UNC13A: variants seen among roughly 807,000 people sequenced by gnomAD.
UNC13A encodes the protein unc-13 homolog A.
A neutral mutation model predicts 219.7 loss-of-function variants in UNC13A; 61 were observed. The observed-to-expected ratio is 0.28, with a 90% confidence interval of 0.23 to 0.34. The LOEUF is 0.34. UNC13A is among the 10% of genes least tolerant of loss of function. The pLI, the probability that UNC13A is intolerant of heterozygous loss-of-function variation, is 1.00. For missense variants in UNC13A, 1,476 were observed against 2,270.3 expected (o/e 0.65, Z 7.11); for synonymous variants, 920 against 884.6 (o/e 1.04, Z -0.71).
chr19:17,606,897 G>A (rs2076537803), intron 43 of UNC13A, among the ~76,000 whole-genome samples: 2 of 147,754 alleles, frequency 1.4e-5, no homozygotes, highest in Non-Finnish European at 3.0e-5. Flanking sequence ...CCTCCCGCAT[G>A]CCCCTCACCT....
At position 17,606,135 on chromosome 19, in the gene UNC13A, G is replaced by A; in HGVS notation, c.5031C>T (p.Asn1677=). 2 of 1,592,554 alleles carry A rather than the reference G, an allele frequency of 1.3e-6. No homozygotes were observed. Among genetic ancestry groups the A allele is most frequent in the Non-Finnish European group, 1.7e-6 (2 of 1,171,266 alleles). ...TCACGAACTCCTTGGCCACCTCGTC[G>A]TTGCTGCGCTGCGAGAGGATTCGCA... ...TVLRILSQRS[N]DEVAKEFVKL... The change falls in exon 44 of 44, where the codon AAC becomes AAT. Residue 1677 remains asparagine (N), a synonymous_variant. Coordinates refer to ENST00000519716, the MANE Select transcript of UNC13A (RefSeq NM_001080421.3).
chr19:17,606,423 C>T (rs1344847429), intron 43 of UNC13A, 69 bp from the exon 44 acceptor site: 11 of 1,508,380 alleles, frequency 7.3e-6, no homozygotes, highest in African/African-American at 1.4e-5. Flanking sequence ...GGCCCCGTCC[C>T]CACCGCATTT....
intron 37 of UNC13A, among the ~76,000 whole-genome samples, chr19:17,621,115 T>C (rs1008027242): frequency 2.6e-5 from 4 of 152,168 alleles, no homozygotes. Context: ...TAACATATAC[T>C]GTAAGTTCAC....
intron 31 of UNC13A, 71 bp from the exon 32 acceptor site, chr19:17,628,011 G>C (rs2076801938): frequency 1.4e-6 from 2 of 1,446,326 alleles, no homozygotes; most frequent in African/African-American, 2.8e-5. Context: ...CCCACCGCCA[G>C]GGACCTTGGG....
Position 17,666,681 on chromosome 19 carries a change from G to A in UNC13A, c.492C>T (p.Asp164=), listed in dbSNP as rs768407687. The change falls in exon 7 of 44, where the codon GAC becomes GAT. Residue 164 remains aspartate, a synonymous_variant. Transcript: ENST00000519716. Reference sequence around the variant, plus strand: ...GGTTGCTGGGGACAGGCAGAGGCTTGTCTTGCTCATCTTGGAACGAATACT... The same window carrying A: ...GGTTGCTGGGGACAGGCAGAGGCTTATCTTGCTCATCTTGGAACGAATACT... ...QDEYSFQDEQ[D]KPLPVPSNQC... is the part of the protein sequence containing the mutation. The A allele has an allele frequency of 4.6e-6, 7 of 1,528,988 alleles. No homozygotes were observed. Among genetic ancestry groups the A allele is most frequent in the Non-Finnish European group, 6.2e-6 (7 of 1,136,586 alleles). The allele number at this position is 1,528,988 out of a possible 1,614,324, so 94.7% of individuals were successfully genotyped here.
At position 17,620,051 on chromosome 19, in the gene UNC13A, C is replaced by T. The variant is rs995716137; in HGVS notation, c.4272+642G>A. The stretch of plus-strand genomic sequence containing the variant: ...CGGGCAATGCTAAGGGAGACGGGGT[C>T]CCAGCCTGGAAGGCATGTGTCTAGC... On this transcript the variant is annotated intron_variant, in intron 38 of 43. Transcript: ENST00000519716. Among the ~76,000 whole-genome samples, 5 of 152,230 alleles carry T rather than the reference C, an allele frequency of 3.3e-5. No individual in the cohort carries two copies. In the East Asian group the frequency reaches 9.6e-4, roughly 29 times the overall value.
chr19:17,670,108 G>A (rs994462122), intron 4 of UNC13A, among the ~76,000 whole-genome samples: 4 of 151,742 alleles, frequency 2.6e-5, no homozygotes, highest in Non-Finnish European at 4.4e-5. Context: ...CACCACGCCT[G>A]GCTGATTTTT....
At chr19:17,663,384 G>C (rs1264935837) in intron 8 of UNC13A, 148 bp downstream of exon 8, 20 of 714,310 alleles carry the variant, frequency 2.8e-5, no homozygotes, top group Middle Eastern at 3.8e-4. Flanking sequence ...AGGAAAGCTT[G>C]AAAGGGGTCT....
chr19:17,632,784 A>G lies in UNC13A; in HGVS notation c.3426T>C (p.Pro1142=). Residue 1142 remains proline (P), a splice_region_variant and synonymous_variant, in exon 28 of 44, where the codon CCT becomes CCC. Coordinates refer to ENST00000519716, the MANE Select transcript of UNC13A (RefSeq NM_001080421.3). ...PAFKDRVPEY[P]AWFEPFVIQW... is the part of the protein sequence containing the mutation. ...TGGGCCTGGGGCAGGGGACTTACGC[A>G]GGGTACTCAGGCACGCGGTCCTTGA... The G allele has an allele frequency of 6.2e-7, 1 of 1,613,720 alleles. No individual in the cohort carries two copies. The highest frequency in any genetic ancestry group is 8.5e-7 in the Non-Finnish European group (1 of 1,179,872).
chr19:17,632,664 C>T (rs2076868910), intron 28 of UNC13A, 118 bp downstream of exon 28: 4 of 1,474,818 alleles, frequency 2.7e-6, no homozygotes, highest in Admixed American at 3.8e-5. Context: ...GATTCAAGCC[C>T]CACCCATGCC....
chr19:17,638,149 A>G (rs1266361900), intron 25 of UNC13A, among the ~76,000 whole-genome samples: 1 of 150,260 alleles, frequency 6.7e-6, no homozygotes, highest in Non-Finnish European at 1.5e-5. Flanking sequence ...CCTGTTTGTA[A>G]ATTTCCAGTT....
At chr19:17,657,520 C>T (rs1430092890) in intron 9 of UNC13A, among the ~76,000 whole-genome samples, 1 of 152,138 alleles carries the variant, frequency 6.6e-6, no homozygotes. Context: ...GACATAGGGG[C>T]CACCACTCAG....
Position 17,617,712 on chromosome 19 carries a change from T to A in UNC13A, c.4548A>T (p.Gln1516His). The change falls in exon 41 of 44, where the codon CAA (glutamine) becomes CAT (histidine). Residue 1516 changes from glutamine (Q) to histidine (H), a missense_variant. By Grantham distance (24) the Gln-to-His change is conservative. This residue lies in a region of UNC13A where 77 missense variants were observed against 94.8 expected (regional missense o/e 0.81). Coordinates refer to ENST00000519716, the MANE Select transcript of UNC13A (RefSeq NM_001080421.3). Reference sequence around the variant, plus strand: ...TCTGGGTACCCTTACCCTGGGCCGATTGCGTCTGTACAAAGGTCTTGATTA... The same window carrying A: ...TCTGGGTACCCTTACCCTGGGCCGAATGCGTCTGTACAAAGGTCTTGATTA... ...DLLIKTFVQT[Q>H]SAQGLGVEDP... 1 of 1,613,734 alleles carries A rather than the reference T, an allele frequency of 6.2e-7. No individual in the cohort carries two copies. Among genetic ancestry groups the A allele is most frequent in the Non-Finnish European group, 8.5e-7 (1 of 1,179,678 alleles).
chr19:17,649,761 G>A lies in UNC13A; in HGVS notation c.1440-174C>T, dbSNP rs1488233543. 1.3e-5 allele frequency among the ~76,000 whole-genome samples: 2 copies of A among 152,122 alleles called. No homozygotes were observed. Among genetic ancestry groups the A allele is most frequent in the Non-Finnish European group, 2.9e-5 (2 of 68,014 alleles). ...TCAGAAGGTGACCTTACTTGGAAAC[G>A]GGGTTGTCACAGATGTAATTAGTTA... On this transcript the variant is annotated intron_variant, in intron 12 of 43. Transcript: ENST00000519716. The surrounding 1 kb of genome is among the most constrained non-coding windows in gnomAD (Gnocchi z 4.4).
chr19:17,640,723 C>A (rs1361201717), intron 21 of UNC13A, 62 bp from the exon 22 acceptor site: 22 of 1,473,960 alleles, frequency 1.5e-5, no homozygotes, highest in South Asian at 5.7e-5. Flanking sequence ...CAAGATCCCC[C>A]CTAGAATGCC....
rs756927876 is a variant in UNC13A, at chr19:17,636,204, GT to G, written c.3082-48del. 1.8e-5 allele frequency: 28 copies of G among 1,539,628 alleles called. No homozygotes were observed. In the South Asian group the frequency reaches 3.2e-4, roughly 18 times the overall value. The stretch of plus-strand genomic sequence containing the variant: ...TCGGTTATAGGGGGTCCAGAGGTTG[GT>G]GCCTCGGTCAGTTTATTACTGAAGA... On this transcript the variant is annotated intron_variant, in intron 25 of 43. Coordinates refer to ENST00000519716, the MANE Select transcript of UNC13A (RefSeq NM_001080421.3).
intron 1 of UNC13A, among the ~76,000 whole-genome samples, chr19:17,679,555 G>C (rs2079968024): frequency 6.6e-6 from 1 of 151,674 alleles, no homozygotes; most frequent in African/African-American, 2.4e-5. Flanking sequence ...ACAGGCTCTG[G>C]GGGGTGATAC....
At chr19:17,621,147 A>G (rs567929257) in intron 37 of UNC13A, among the ~76,000 whole-genome samples, 8 of 152,278 alleles carry the variant, frequency 5.3e-5, no homozygotes, top group African/African-American at 1.9e-4. Context: ...GAACCCATAC[A>G]CTAAACTACA....
chr19:17,666,749 A>G, intron 6 of UNC13A, 45 bp from the exon 7 acceptor site: 1 of 1,441,766 alleles, frequency 6.9e-7, no homozygotes, highest in Non-Finnish European at 9.2e-7. Context: ...CAGAGGGGCC[A>G]AAGGCCAGGG....
Sources: allele counts gnomAD v4.1 joint callset (sites outside exome capture counted in the v4.1 genomes callset), GRCh38; gene constraint gnomAD v4.1.1; regional missense constraint gnomAD v4.1.1; non-coding constraint Gnocchi (gnomAD v3.1); transcripts MANE v1.5; gene names NCBI Gene and HGNC (gene_info 2026-07-23, HGNC 2026-07-21).